The following DOCK7 variants were observed in gnomAD, a reference collection of about 807,000 sequenced individuals.
DOCK7 encodes dedicator of cytokinesis 7.
A neutral mutation model predicts 271.0 loss-of-function variants in DOCK7; 138 were observed. The observed-to-expected ratio is 0.51, with a 90% CI of 0.44 to 0.59. The LOEUF is 0.59. Among genes scored for constraint, DOCK7 ranks in the 20% least tolerant of loss-of-function variants. The pLI is 0.00. For synonymous variants in DOCK7, 823 were observed against 876.1 expected (o/e 0.94, Z 1.07); for missense variants, 2,066 against 2,592.4 (o/e 0.80, Z 4.41).
chr1:62,594,643 C>A (rs1468794515), intron 14 of DOCK7, among the ~76,000 whole-genome samples: 1 of 152,106 alleles, frequency 6.6e-6, no homozygotes, highest in Admixed American at 6.6e-5. Flanking sequence ...GGGGTAAACA[C>A]TACTACGTAT....
chr1:62,502,738 T>C (rs931753375), intron 37 of DOCK7, among the ~76,000 whole-genome samples: 4 of 150,660 alleles, frequency 2.7e-5, no homozygotes, highest in Admixed American at 6.6e-5. Flanking sequence ...GACCATATAG[T>C]GTAAGATGAA....
intron 28 of DOCK7, among the ~76,000 whole-genome samples, chr1:62,537,257 A>C (rs1193821369): frequency 2.0e-5 from 3 of 152,146 alleles, no homozygotes; most frequent in East Asian, 1.9e-4. Flanking sequence ...ATGTGCATTA[A>C]GTCTATGAAA....
intron 35 of DOCK7, among the ~76,000 whole-genome samples, chr1:62,507,152 T>C (rs760357513): frequency 3.3e-5 from 5 of 151,810 alleles, no homozygotes; most frequent in African/African-American, 1.2e-4. Context: ...ATGTACAGAA[T>C]GGATGGTGGG....
chr1:62,492,526 A>G lies in DOCK7; in HGVS notation c.5361+178T>C, dbSNP rs55744543. ...TGGTCTTGAACTCCTGGATTCAAGC[A>G]ATCCTCCCGTCTTAGCCTCTCAAAG... On this transcript the variant is annotated intron_variant, in intron 41 of 49. Transcript: ENST00000635253. 18,964 of 640,172 alleles carry G rather than the reference A, an allele frequency of 0.03. 391 individuals carry two copies. Among genetic ancestry groups the G allele is most frequent in the Non-Finnish European group, 0.035 (13,320 of 384,658 alleles). 39.7% of individuals were successfully genotyped at this position (640,172 alleles called of 1,614,324 possible).
intron 1 of DOCK7, among the ~76,000 whole-genome samples, chr1:62,676,426 C>T (rs922669563): frequency 3.3e-5 from 5 of 152,094 alleles, no homozygotes; most frequent in Non-Finnish European, 5.9e-5. Context: ...GTGATGGAAA[C>T]GTTCTAAAAC....
chr1:62,545,089 G>T, intron 22 of DOCK7, 50 bp from the exon 23 acceptor site: 1 of 1,400,256 alleles, frequency 7.1e-7, no homozygotes, highest in Non-Finnish European at 9.8e-7. Context: ...ATTACATGTT[G>T]CATGCTATAA....
intron 1 of DOCK7, 113 bp from the exon 2 acceptor site, chr1:62,663,243 C>T: frequency 2.5e-6 from 2 of 794,126 alleles, no homozygotes; most frequent in Non-Finnish European, 4.1e-6. Context: ...AAAACAAAAT[C>T]TCAGCATAAC....
chr1:62,570,707 C>A (rs1406268733), intron 18 of DOCK7, among the ~76,000 whole-genome samples: 3 of 152,040 alleles, frequency 2.0e-5, no homozygotes, highest in Non-Finnish European at 2.9e-5. Context: ...CAAAAACAGA[C>A]ACATAGACCA....
chr1:62,533,692 T>TA (rs1335635547), intron 29 of DOCK7, among the ~76,000 whole-genome samples: 1 of 152,192 alleles, frequency 6.6e-6, no homozygotes. Flanking sequence ...GTTGCCATTA[T>TA]AAAAAACACA....
intron 14 of DOCK7, among the ~76,000 whole-genome samples, 193 bp downstream of exon 14, chr1:62,618,513 T>C (rs1335565409): frequency 6.6e-6 from 1 of 152,174 alleles, no homozygotes; most frequent in African/African-American, 2.4e-5. Context: ...ATAAAGCATG[T>C]AAGGTAATTA....
chr1:62,597,838 AAATCAAAG>A, intron 14 of DOCK7: 1 of 1,605,636 alleles, frequency 6.2e-7, no homozygotes, highest in Non-Finnish European at 8.5e-7. Flanking sequence ...CAAACCAGTG[AAATCAAAG>A]AAGAAGAAAA....
intron 1 of DOCK7, 105 bp downstream of exon 1, chr1:62,688,122 G>A (rs1662050357): frequency 2.0e-5 from 23 of 1,178,802 alleles, no homozygotes; most frequent in Middle Eastern, 6.5e-4. Context: ...GCGGGATCCC[G>A]GTGCCGGCCC....
intron 4 of DOCK7, among the ~76,000 whole-genome samples, chr1:62,649,875 C>T (rs1173128739): frequency 6.6e-6 from 1 of 152,148 alleles, no homozygotes; most frequent in Non-Finnish European, 1.5e-5. Flanking sequence ...TAACATTCTT[C>T]CCCCAGATAT....
chr1:62,568,691 A>ACC (rs1294343419), intron 18 of DOCK7, among the ~76,000 whole-genome samples: 13 of 150,128 alleles, frequency 8.7e-5, no homozygotes, highest in African/African-American at 3.2e-4. Flanking sequence ...AACCACCACC[A>ACC]ACAACAACAA....
rs1644567230 is a variant in DOCK7, at chr1:62,513,624, GAA to G, written c.4120-20_4120-19del. 6.2e-7 allele frequency: 1 copy of G among 1,608,442 alleles called. No individual in the cohort carries two copies. The highest frequency in any genetic ancestry group is 2.2e-5 in the East Asian group (1 of 44,832). The stretch of plus-strand genomic sequence containing the variant: ...TTTTTCCCCTAAAATGTAAACATTA[GAA>G]GAGAAGAGGTATTGAGGAAATTTTC... On this transcript the variant is annotated intron_variant, in intron 32 of 49. Coordinates refer to ENST00000635253, the MANE Select transcript of DOCK7 (RefSeq NM_001367561.1).
chr1:62,504,971 T>C (rs1044245888), intron 36 of DOCK7, among the ~76,000 whole-genome samples, 189 bp from the exon 37 acceptor site: 2 of 152,202 alleles, frequency 1.3e-5, no homozygotes, highest in Non-Finnish European at 2.9e-5. Context: ...ATTATTCCAC[T>C]TACTAACTAG....
chr1:62,571,138 A>G (rs1646761944), intron 18 of DOCK7, among the ~76,000 whole-genome samples: 1 of 152,206 alleles, frequency 6.6e-6, no homozygotes, highest in Non-Finnish European at 1.5e-5. Flanking sequence ...ATGGGAGAGA[A>G]ATTTTGCAAC....
rs529033158 is a variant in DOCK7 at position 62,655,079 on chromosome 1, A to G, written c.145-920T>C. On this transcript the variant is annotated intron_variant, in intron 2 of 49. Coordinates refer to ENST00000635253, the MANE Select transcript of DOCK7 (RefSeq NM_001367561.1). Reference sequence around the variant, plus strand: ...TGTTTTAAGCCACCCAGTTTGTAGTACTTTGTTACAGTAGCCATACGAAAG... The same window carrying G: ...TGTTTTAAGCCACCCAGTTTGTAGTGCTTTGTTACAGTAGCCATACGAAAG... 2.0e-5 allele frequency among the ~76,000 whole-genome samples: 3 copies of G among 152,350 alleles called. No homozygotes were observed. In the South Asian group the frequency reaches 6.2e-4, roughly 32 times the overall value.
intron 48 of DOCK7, among the ~76,000 whole-genome samples, chr1:62,459,442 T>C (rs1463637734): frequency 1.3e-5 from 2 of 152,116 alleles, no homozygotes; most frequent in African/African-American, 4.8e-5. Context: ...AGTTTCTCCA[T>C]GTTGGCCAGG....
Sources: gnomAD v4.1 joint callset for allele counts (sites outside exome capture counted in the v4.1 genomes callset) on GRCh38, gnomAD v4.1.1 for gene constraint, MANE v1.5 for transcripts, NCBI Gene and HGNC (gene_info 2026-07-23, HGNC 2026-07-21) for gene names.